Variants in PRKN observed in about 807,000 individuals in gnomAD.
PRKN encodes the protein E3 ubiquitin-protein ligase parkin.
PRKN carries 56 observed loss-of-function variants against 59.5 expected under a neutral mutation model. That is an observed-to-expected ratio of 0.94 (90% confidence interval 0.76 to 1.18). The LOEUF is 1.18. PRKN is among the 50% of genes most tolerant of loss of function. PRKN has a pLI of 0.00. For synonymous variants in PRKN, 250 were observed against 222.1 expected (o/e 1.13, Z -1.12); for missense variants, 657 against 596.4 (o/e 1.10, Z -1.06).
At chr6:161,998,354 C>T (rs1781923140) in intron 5 of PRKN, among the ~76,000 whole-genome samples, 1 of 152,110 alleles carries the variant, frequency 6.6e-6, no homozygotes, top group Admixed American at 6.6e-5. Context: ...TCATAGTTGG[C>T]ATGAAGTCAT....
At chr6:162,244,365 A>G (rs1779113175) in intron 3 of PRKN, among the ~76,000 whole-genome samples, 2 of 152,010 alleles carry the variant, frequency 1.3e-5, no homozygotes, top group South Asian at 4.2e-4. Context: ...CTCACCTGGA[A>G]CTAATTTGAC....
At chr6:162,469,726 A>G (rs1479881355) in intron 1 of PRKN, among the ~76,000 whole-genome samples, 1 of 151,176 alleles carries the variant, frequency 6.6e-6, no homozygotes, top group East Asian at 1.9e-4. Flanking sequence ...TGGGGACTCA[A>G]CAGGAAAGGA....
intron 7 of PRKN, among the ~76,000 whole-genome samples, chr6:161,619,183 C>T (rs1395841974): frequency 4.0e-5 from 6 of 149,440 alleles, no homozygotes; most frequent in South Asian, 2.1e-4. Context: ...ATATGGTCAC[C>T]GGCACAAGAA....
At chr6:162,499,230 AG>A (rs1562333559) in intron 1 of PRKN, among the ~76,000 whole-genome samples, 1 of 152,066 alleles carries the variant, frequency 6.6e-6, no homozygotes, top group Non-Finnish European at 1.5e-5. Flanking sequence ...TGTCTCTGCA[AG>A]GAATAGTTTT....
At chr6:162,367,215 T>C (rs1785489889) in intron 2 of PRKN, among the ~76,000 whole-genome samples, 1 of 152,136 alleles carries the variant, frequency 6.6e-6, no homozygotes, top group African/African-American at 2.4e-5. Context: ...AGGACATGTT[T>C]GCTTCCCCTT....
intron 7 of PRKN, among the ~76,000 whole-genome samples, chr6:161,718,687 A>G (rs574488697): frequency 1.3e-5 from 2 of 151,866 alleles, no homozygotes; most frequent in East Asian, 3.9e-4. Flanking sequence ...TAATAGACAA[A>G]CCCTCTGATG....
intron 9 of PRKN, among the ~76,000 whole-genome samples, chr6:161,481,729 T>G (rs528284873): frequency 2.2e-4 from 33 of 152,368 alleles, no homozygotes; most frequent in Admixed American, 5.9e-4. Flanking sequence ...CATTAAATCC[T>G]GAGTTTCAAG....
intron 1 of PRKN, among the ~76,000 whole-genome samples, chr6:162,475,113 A>G (rs2128179842): frequency 1.3e-5 from 2 of 152,312 alleles, no homozygotes; most frequent in Middle Eastern, 3.4e-3. Flanking sequence ...ATTAAAAATG[A>G]TTATGTGATG....
intron 1 of PRKN, among the ~76,000 whole-genome samples, chr6:162,688,525 A>T (rs1442944693): frequency 6.6e-6 from 1 of 152,254 alleles, no homozygotes; most frequent in Non-Finnish European, 1.5e-5. Flanking sequence ...CTAGATAATA[A>T]ATATACAATA....
chr6:161,832,770 C>T (rs1251692979), intron 6 of PRKN, among the ~76,000 whole-genome samples: 1 of 152,130 alleles, frequency 6.6e-6, no homozygotes, highest in Non-Finnish European at 1.5e-5. Flanking sequence ...ATCTCACCCT[C>T]CCCATTCTCT....
At chr6:162,568,704 G>A (rs1780188953) in intron 1 of PRKN, 2 of 804,074 alleles carry the variant, frequency 2.5e-6, no homozygotes, top group African/African-American at 3.4e-5. Flanking sequence ...GCAGAAGATG[G>A]CTTGGAGCAA....
chr6:161,867,066 G>A (rs751928154), intron 6 of PRKN, among the ~76,000 whole-genome samples: 20 of 152,162 alleles, frequency 1.3e-4, no homozygotes, highest in Non-Finnish European at 2.4e-4. Flanking sequence ...TCTGAACCAT[G>A]CATTATTTTA....
intron 1 of PRKN, among the ~76,000 whole-genome samples, chr6:162,635,091 C>T (rs929808507): frequency 6.6e-6 from 1 of 152,114 alleles, no homozygotes; most frequent in Non-Finnish European, 1.5e-5. Context: ...TATCTTTTTA[C>T]TTGACTTGAT....
intron 1 of PRKN, among the ~76,000 whole-genome samples, chr6:162,520,676 G>A (rs1259864757): frequency 6.6e-6 from 1 of 151,986 alleles, no homozygotes; most frequent in East Asian, 1.9e-4. Context: ...TGTTCCTTAA[G>A]ATTTAGTGTA....
chr6:161,786,473 G>A (rs528280756), intron 6 of PRKN, among the ~76,000 whole-genome samples: 1 of 152,054 alleles, frequency 6.6e-6, no homozygotes, highest in East Asian at 1.9e-4. Flanking sequence ...TTTAGGACTT[G>A]TATATAGTGA....
intron 4 of PRKN, among the ~76,000 whole-genome samples, chr6:162,193,980 T>C (rs917103504): frequency 6.6e-6 from 1 of 152,186 alleles, no homozygotes; most frequent in African/African-American, 2.4e-5. Context: ...TAAAAGCTGA[T>C]TAAAAGAAAC....
intron 5 of PRKN, among the ~76,000 whole-genome samples, chr6:162,017,003 C>T (rs558131476): frequency 2.6e-5 from 4 of 152,238 alleles, no homozygotes; most frequent in South Asian, 4.1e-4. Context: ...CTCAAACATC[C>T]GCCTCTCTCC....
At chr6:162,724,915 C>T (rs1015441225) in intron 1 of PRKN, among the ~76,000 whole-genome samples, 1 of 152,210 alleles carries the variant, frequency 6.6e-6, no homozygotes, top group African/African-American at 2.4e-5. Context: ...TAGGATAAGC[C>T]TGTGCCCAGG....
At chr6:161,845,945 T>C (rs1340330082) in intron 6 of PRKN, among the ~76,000 whole-genome samples, 1 of 152,132 alleles carries the variant, frequency 6.6e-6, no homozygotes, top group East Asian at 1.9e-4. Flanking sequence ...CAACTCCATT[T>C]TAGGTTATTA....
Sources: allele counts gnomAD v4.1 joint callset (sites outside exome capture counted in the v4.1 genomes callset), GRCh38; gene constraint gnomAD v4.1.1; transcripts MANE v1.5; gene names NCBI Gene and HGNC (gene_info 2026-07-23, HGNC 2026-07-21).